RNF38: variants seen among roughly 807,000 people sequenced by gnomAD.
The protein encoded by RNF38 is E3 ubiquitin-protein ligase RNF38.
Under a neutral mutation model 67.2 loss-of-function variants are expected in RNF38, and 15 were observed. That is an observed-to-expected ratio of 0.22 (90% CI 0.15 to 0.34). The LOEUF (loss-of-function observed/expected upper bound fraction) is 0.34. RNF38 is among the 10% of genes least tolerant of loss of function. The pLI is 1.00. For synonymous variants in RNF38, 220 were observed against 218.8 expected, an observed-to-expected ratio of 1.01 and a Z score of -0.05; for missense variants, 524 against 639.9, an observed-to-expected ratio of 0.82 and a Z score of 1.95.
upstream of RNF38, among the ~76,000 whole-genome samples, chr9:36,401,789 T>TCACCA: frequency 6.6e-6 from 1 of 152,232 alleles, no homozygotes; most frequent in Non-Finnish European, 1.5e-5. Context: ...AAATTAGATG[T>TCACCA]TTCCCGCAAG....
In RNF38 at chr9:36,416,314, G is replaced by A. The variant is rs553099683; in HGVS notation, n.312+8299C>T. ...TTCAAACAGATCACCAGGGAGTTGG[G>A]GGCAAGCTGGCAGTGACAGGCCTCA... On this transcript the variant is annotated intron_variant and non_coding_transcript_variant, in intron 2 of 3. Coordinates refer to the RNF38 transcript ENST00000488058. Among the ~76,000 whole-genome samples, 9 of 152,050 alleles carry A rather than the reference G, an allele frequency of 5.9e-5. No homozygotes were observed. In the South Asian group the frequency reaches 1.5e-3, roughly 25 times the overall value.
chr9:36,452,529 TCTTG>T (rs1839478116), intron 1 of RNF38, among the ~76,000 whole-genome samples: 2 of 151,980 alleles, frequency 1.3e-5, no homozygotes, highest in African/African-American at 4.8e-5. Flanking sequence ...GTTAGCAAAA[TCTTG>T]CTTTTTTTTT....
intron 6 of RNF38, among the ~76,000 whole-genome samples, chr9:36,354,565 C>T (rs1464397616): frequency 6.6e-6 from 1 of 152,214 alleles, no homozygotes; most frequent in African/African-American, 2.4e-5. Context: ...TAACATAATG[C>T]TTTCAAGGCT....
chr9:36,467,699 C>T (rs1460312265), intron 1 of RNF38, among the ~76,000 whole-genome samples: 1 of 152,162 alleles, frequency 6.6e-6, no homozygotes, highest in Non-Finnish European at 1.5e-5. Context: ...TCTCTATACA[C>T]AAATGCCTGC....
intron 1 of RNF38, among the ~76,000 whole-genome samples, chr9:36,444,974 T>C (rs1839269536): frequency 7.0e-6 from 1 of 143,162 alleles, no homozygotes; most frequent in Non-Finnish European, 1.5e-5. Flanking sequence ...TTCTGGTTAA[T>C]CCACTATCCC....
chr9:36,483,467 C>G (rs191292954), intron 1 of RNF38, among the ~76,000 whole-genome samples: 3 of 152,256 alleles, frequency 2.0e-5, no homozygotes, highest in Admixed American at 1.3e-4. Flanking sequence ...CAAAGACAAA[C>G]AGGCACTTCA....
At position 36,400,020 on chromosome 9, in the gene RNF38, AC is replaced by A. The variant is rs1837881688; in HGVS notation, c.12+76del. 3 of 1,281,280 alleles carry A rather than the reference AC, an allele frequency of 2.3e-6. No homozygotes were observed. In the African/African-American group the frequency reaches 4.5e-5, roughly 19 times the overall value. The allele number at this position is 1,281,280 out of a possible 1,614,324, so 79.4% of individuals were successfully genotyped here. A position where few individuals can be genotyped will look rare whatever the true frequency, so the allele number is the denominator to read the frequency against. ...TAATTACATGTGTGTGTTTCTACTT[AC>A]GGTAGAATTAGCATACCCAACTTTT... On this transcript the variant is annotated intron_variant, in intron 1 of 11. Coordinates refer to ENST00000259605, the MANE Select transcript of RNF38 (RefSeq NM_022781.5).
chr9:36,443,724 GA>G (rs891646111), intron 1 of RNF38, among the ~76,000 whole-genome samples: 2 of 151,778 alleles, frequency 1.3e-5, no homozygotes, highest in African/African-American at 2.4e-5. Context: ...CCACTGAACT[GA>G]AAAAAAATAG....
At chr9:36,379,728 C>G (rs1214524147) in intron 2 of RNF38, among the ~76,000 whole-genome samples, 1 of 152,026 alleles carries the variant, frequency 6.6e-6, no homozygotes, top group Non-Finnish European at 1.5e-5. Context: ...CACATTAGAA[C>G]AAGAAGTCAG....
At chr9:36,404,482 G>C (rs1211460173), upstream of RNF38, among the ~76,000 whole-genome samples, 1 of 152,146 alleles carries the variant, frequency 6.6e-6, no homozygotes, top group Non-Finnish European at 1.5e-5. Flanking sequence ...TGAAATTGCT[G>C]GGATTTTCTT....
upstream of RNF38, among the ~76,000 whole-genome samples, chr9:36,403,577 A>C (rs1000409152): frequency 6.6e-6 from 1 of 152,246 alleles, no homozygotes; most frequent in Non-Finnish European, 1.5e-5. Context: ...GACTACTGTT[A>C]TTCCAGAGCT....
At chr9:36,466,508 C>A (rs758333341) in intron 1 of RNF38, among the ~76,000 whole-genome samples, 5 of 152,170 alleles carry the variant, frequency 3.3e-5, no homozygotes, top group Admixed American at 6.5e-5. Flanking sequence ...GGTAGTTACA[C>A]ACGTGGGTTC....
At chr9:36,449,426 A>G (rs565467079) in intron 1 of RNF38, among the ~76,000 whole-genome samples, 1 of 151,606 alleles carries the variant, frequency 6.6e-6, no homozygotes, top group African/African-American at 2.4e-5. Flanking sequence ...GTGAGACCCT[A>G]TCTCTCTCTT....
chr9:36,398,745 G>C (rs1259143748), intron 1 of RNF38, among the ~76,000 whole-genome samples: 1 of 152,156 alleles, frequency 6.6e-6, no homozygotes, highest in Non-Finnish European at 1.5e-5. Context: ...CAACAATCAA[G>C]ACTAATTAAG....
chr9:36,474,985 TAAAAA>T (rs1840089767), intron 1 of RNF38, among the ~76,000 whole-genome samples: 1 of 145,558 alleles, frequency 6.9e-6, no homozygotes, highest in African/African-American at 2.5e-5. Flanking sequence ...CTACTAAAAA[TAAAAA>T]AATTAGCTGG....
intron 2 of RNF38, among the ~76,000 whole-genome samples, chr9:36,376,873 C>G (rs920887844): frequency 1.4e-5 from 2 of 145,354 alleles, no homozygotes; most frequent in African/African-American, 5.2e-5. Context: ...TTGTTGTGAG[C>G]TGAGATCACG....
intron 9 of RNF38, among the ~76,000 whole-genome samples, chr9:36,350,423 T>A (rs1432428823): frequency 6.6e-6 from 1 of 152,236 alleles, no homozygotes; most frequent in African/African-American, 2.4e-5. Context: ...TTCAAAATCA[T>A]GTCCACTCTG....
chr9:36,361,312 C>T (rs1834517723), intron 4 of RNF38, among the ~76,000 whole-genome samples: 1 of 151,888 alleles, frequency 6.6e-6, no homozygotes, highest in African/African-American at 2.4e-5. Flanking sequence ...CCACCATGCC[C>T]AGCTAATTTT....
intron 1 of RNF38, among the ~76,000 whole-genome samples, chr9:36,479,904 A>G (rs1274415503): frequency 2.0e-5 from 3 of 152,182 alleles, no homozygotes; most frequent in Non-Finnish European, 4.4e-5. Flanking sequence ...GTTCAAGACC[A>G]CCATGGGCAA....
Sources: gnomAD v4.1 joint callset for allele counts (sites outside exome capture counted in the v4.1 genomes callset) on GRCh38, gnomAD v4.1.1 for gene constraint, MANE v1.5 for transcripts, NCBI Gene and HGNC (gene_info 2026-07-23, HGNC 2026-07-21) for gene names.